Variants in PDK1 observed in about 807,000 individuals in gnomAD.
PDK1 encodes the protein [Pyruvate dehydrogenase (acetyl-transferring)] kinase isozyme 1, mitochondrial.
In PDK1, 39 loss-of-function variants were observed where a neutral mutation model predicts 54.2. The ratio of observed to expected loss-of-function variants is 0.72; its 90% confidence interval spans 0.56 to 0.94. The LOEUF is 0.94. PDK1 is among the 40% of genes least tolerant of loss of function. The pLI, the probability that PDK1 is intolerant of heterozygous loss-of-function variation, is 0.00. For synonymous variants in PDK1, 221 were observed against 207.1 expected (o/e 1.07, Z -0.58); for missense variants, 552 against 566.0 (o/e 0.98, Z 0.25).
chr2:172,620,948 A>G, the PDK1 span, among the ~76,000 whole-genome samples: 81 of 139,058 alleles, frequency 5.8e-4, no homozygotes, highest in African/African-American at 2.3e-3. Flanking sequence ...ATGGCCTAAT[A>G]CAGGCTCAAA....
At chr2:172,563,069 T>C (rs918810394) in intron 3 of PDK1, among the ~76,000 whole-genome samples, 1 of 152,228 alleles carries the variant, frequency 6.6e-6, no homozygotes, top group African/African-American at 2.4e-5. Context: ...GAATGATGTT[T>C]TTTAATCTTT....
the PDK1 span, among the ~76,000 whole-genome samples, chr2:172,661,429 G>A: frequency 6.6e-6 from 1 of 152,208 alleles, no homozygotes; most frequent in Non-Finnish European, 1.5e-5. Context: ...TTTGGTGCCC[G>A]TCTGGGGGAA....
At chr2:172,682,495 C>T in the PDK1 span, among the ~76,000 whole-genome samples, 1 of 152,198 alleles carries the variant, frequency 6.6e-6, no homozygotes, top group African/African-American at 2.4e-5. Flanking sequence ...CCTCCTTCCT[C>T]CACAGTGGAG....
chr2:172,622,213 GAT>G, the PDK1 span, among the ~76,000 whole-genome samples: 16 of 143,530 alleles, frequency 1.1e-4, no homozygotes, highest in South Asian at 4.5e-4. Context: ...TATCATGAGA[GAT>G]ATGTTTATAT....
At chr2:172,633,431 GATCAAA>G in the PDK1 span, among the ~76,000 whole-genome samples, 1 of 102,854 alleles carries the variant, frequency 9.7e-6, no homozygotes, top group Non-Finnish European at 1.9e-5. Context: ...ACTTCCAATT[GATCAAA>G]ATCAAAACTG....
At chr2:172,713,682 T>G in the PDK1 span, among the ~76,000 whole-genome samples, 1 of 152,254 alleles carries the variant, frequency 6.6e-6, no homozygotes, top group Non-Finnish European at 1.5e-5. Flanking sequence ...CAGGCACTTC[T>G]GTGCCTGTGC....
chr2:172,571,064 A>T (rs1254366961), intron 8 of PDK1, among the ~76,000 whole-genome samples: 1 of 152,146 alleles, frequency 6.6e-6, no homozygotes, highest in Non-Finnish European at 1.5e-5. Flanking sequence ...AATCTTGGAG[A>T]CAGACAATTT....
the PDK1 span, among the ~76,000 whole-genome samples, chr2:172,633,944 C>T: frequency 4.7e-5 from 6 of 128,074 alleles, no homozygotes; most frequent in African/African-American, 1.7e-4. Flanking sequence ...GGCACGATCT[C>T]GCCTCACTGC....
At chr2:172,587,278 G>A (rs118107311) in intron 9 of PDK1, among the ~76,000 whole-genome samples, 5,756 of 152,222 alleles carry the variant, frequency 0.038, 262 homozygotes, top group East Asian at 0.21. Context: ...TCTTCCTCCC[G>A]GTGAGTTCCT....
the PDK1 span, among the ~76,000 whole-genome samples, chr2:172,695,539 T>G: frequency 1.3e-5 from 2 of 152,158 alleles, no homozygotes; most frequent in East Asian, 1.9e-4. Context: ...GTTCAAACCT[T>G]TATGTAAGCC....
rs776307066 is a variant in PDK1, at chr2:172,570,772, A to AC, written c.899dup (p.Ile301TyrfsTer9). The AC allele has an allele frequency of 1.2e-6, 2 of 1,611,994 alleles. No individual in the cohort carries two copies. Among genetic ancestry groups the AC allele is most frequent in the Non-Finnish European group, 1.7e-6 (2 of 1,178,418 alleles). ...GAACACCATGCCAACAGAGGTGTTT[A>AC]CCCCCCTATTCAAGTTCATGTCACG... On this transcript the variant is annotated frameshift_variant, in exon 8 of 11. Coordinates refer to ENST00000282077, the MANE Select transcript of PDK1 (RefSeq NM_002610.5). LOFTEE classifies it high-confidence loss of function.
chr2:172,632,789 G>T, the PDK1 span, among the ~76,000 whole-genome samples: 1 of 151,760 alleles, frequency 6.6e-6, no homozygotes. Flanking sequence ...AGACCATCCT[G>T]GCCAACATGG....
At chr2:172,626,392 G>A in the PDK1 span, among the ~76,000 whole-genome samples, 3 of 152,028 alleles carry the variant, frequency 2.0e-5, no homozygotes, top group Admixed American at 6.6e-5. Flanking sequence ...TAGTTATTTC[G>A]GAGAAGAGGG....
At chr2:172,630,918 C>G in the PDK1 span, among the ~76,000 whole-genome samples, 3 of 152,228 alleles carry the variant, frequency 2.0e-5, no homozygotes, top group Non-Finnish European at 4.4e-5. Context: ...GCATGAGCCA[C>G]TGCGCTCAGC....
chr2:172,562,631 C>T, intron 3 of PDK1: 2 of 698,130 alleles, frequency 2.9e-6, no homozygotes, highest in Non-Finnish European at 5.0e-6. Flanking sequence ...CTGCCCATAT[C>T]ATCTGATTGT....
the PDK1 span, among the ~76,000 whole-genome samples, chr2:172,646,426 C>A: frequency 6.6e-6 from 1 of 151,946 alleles, no homozygotes; most frequent in Non-Finnish European, 1.5e-5. Flanking sequence ...ACCAAGTAAT[C>A]TGTTTGGAAC....
chr2:172,668,782 A>G, the PDK1 span, among the ~76,000 whole-genome samples: 1 of 143,202 alleles, frequency 7.0e-6, no homozygotes, highest in African/African-American at 2.6e-5. Context: ...ATATGTACAC[A>G]CACATATATG....
chr2:172,648,230 G>A, the PDK1 span, among the ~76,000 whole-genome samples: 2 of 152,124 alleles, frequency 1.3e-5, no homozygotes, highest in Admixed American at 6.5e-5. Flanking sequence ...TAATTTCCAG[G>A]TTTTACTAAT....
At position 172,595,893 on chromosome 2, in the gene PDK1, A is replaced by G; in HGVS notation, c.1235A>G (p.Asn412Ser). 6.2e-7 allele frequency: 1 copy of G among 1,613,902 alleles called. No individual in the cohort carries two copies. The highest frequency in any genetic ancestry group is 1.3e-5 in the African/African-American group (1 of 75,024). The change falls in exon 11 of 11, where the codon AAC becomes AGC. Residue 412 changes from asparagine to serine, a missense_variant. Transcript: ENST00000282077. ...AACAAAGCTGCCTGGAAGCATTACAACACCAACCACGAGGCTGATGACTGG... is the reference window on the plus strand; with the variant it reads ...AACAAAGCTGCCTGGAAGCATTACAGCACCAACCACGAGGCTGATGACTGG... ...VYNKAAWKHY[N>S]TNHEADDWCV...
Sources: gnomAD v4.1 joint callset for allele counts (sites outside exome capture counted in the v4.1 genomes callset) on GRCh38, gnomAD v4.1.1 for gene constraint, MANE v1.5 for transcripts, NCBI Gene and HGNC (gene_info 2026-07-23, HGNC 2026-07-21) for gene names.